The following LCOR variants were observed in gnomAD, a reference collection of about 807,000 sequenced individuals.
LCOR encodes ligand dependent nuclear receptor corepressor.
LCOR carries 14 observed loss-of-function variants against 64.4 expected under a neutral mutation model. The observed-to-expected ratio is 0.22, with a 90% CI of 0.14 to 0.34. The LOEUF (loss-of-function observed/expected upper bound fraction) is 0.34. Among genes scored for constraint, LCOR ranks in the 10% least tolerant of loss-of-function variants. The pLI is 1.00. For synonymous variants in LCOR, 643 were observed against 642.5 expected (o/e 1.00, Z -0.01); for missense variants, 1,686 against 1,765.3 (o/e 0.96, Z 0.80).
intron 2 of LCOR, among the ~76,000 whole-genome samples, chr10:96,859,004 T>C (rs1412011748): frequency 2.6e-5 from 4 of 152,224 alleles, no homozygotes; most frequent in Non-Finnish European, 4.4e-5. Flanking sequence ...TGTGCTTTTA[T>C]CAGGACACTT....
intron 2 of LCOR, among the ~76,000 whole-genome samples, chr10:96,864,892 C>G (rs1845946373): frequency 6.6e-6 from 1 of 152,132 alleles, no homozygotes; most frequent in Non-Finnish European, 1.5e-5. Context: ...CACACAACAA[C>G]ACACCTATTG....
Position 96,981,496 on chromosome 10 carries a change from G to A in LCOR, c.1036G>A (p.Ala346Thr), listed in dbSNP as rs1387082414. Reference protein sequence around the residue: ...CIIPQRNLFKALSEEAWNSGF... With the variant: ...CIIPQRNLFKTLSEEAWNSGF... ...TATTCCTCAAAGAAATTTGTTCAAA[G>A]CTTTATCAGAAGAGGCTTGGAACTC... Residue 346 changes from alanine to threonine, a missense_variant, in exon 8 of 8, where the codon GCT becomes ACT. By Grantham distance (58) the Ala-to-Thr change is moderately conservative (BLOSUM62 0). Coordinates refer to ENST00000421806, the MANE Select transcript of LCOR (RefSeq NM_001346516.2). The A allele has an allele frequency of 6.2e-7, 1 of 1,614,084 alleles. No individual in the cohort carries two copies. Among genetic ancestry groups the A allele is most frequent in the East Asian group, 2.2e-5 (1 of 44,896 alleles).
chr10:96,908,706 C>A (rs1452431583), intron 4 of LCOR, among the ~76,000 whole-genome samples: 2 of 145,414 alleles, frequency 1.4e-5, no homozygotes, highest in Non-Finnish European at 3.0e-5. Flanking sequence ...AAAATGCTTT[C>A]TTCTGCCGTA....
intron 2 of LCOR, among the ~76,000 whole-genome samples, chr10:96,900,097 C>T (rs1846607623): frequency 6.6e-6 from 1 of 152,050 alleles, no homozygotes; most frequent in Non-Finnish European, 1.5e-5. Context: ...TTTCATTCAG[C>T]CATAGGAAAC....
At position 96,955,509 on chromosome 10, in the gene LCOR, C is replaced by T. The variant is rs187367878; in HGVS notation, c.332+3313C>T. The T allele has an allele frequency of 3.7e-6, 6 of 1,614,128 alleles. No individual in the cohort carries two copies. In the Admixed American group the frequency reaches 5.0e-5, roughly 13 times the overall value. On this transcript the variant is annotated intron_variant, in intron 7 of 7. Coordinates refer to ENST00000421806, the MANE Select transcript of LCOR (RefSeq NM_001346516.2). ...TAGTAAAAAATTAAGGGCTATTCTT[C>T]CAAAACAAAGTAGAAAAAGCATGTT... is the stretch of plus-strand genomic sequence containing the variant.
intron 2 of LCOR, among the ~76,000 whole-genome samples, chr10:96,882,100 C>T (rs1045383654): frequency 1.3e-5 from 2 of 152,036 alleles, no homozygotes; most frequent in South Asian, 2.1e-4. Context: ...ATTAATTATT[C>T]GAACTAATAA....
intron 7 of LCOR, among the ~76,000 whole-genome samples, chr10:96,972,613 A>G (rs1157664649): frequency 6.6e-6 from 1 of 152,204 alleles, no homozygotes; most frequent in Non-Finnish European, 1.5e-5. Flanking sequence ...TTTTTATTGT[A>G]ATTTAATAAA....
chr10:96,876,678 A>C (rs1406839700), intron 2 of LCOR, among the ~76,000 whole-genome samples: 5 of 152,198 alleles, frequency 3.3e-5, no homozygotes, highest in Non-Finnish European at 5.9e-5. Context: ...CAAAGAATTA[A>C]AAAGCTCATA....
intron 2 of LCOR, among the ~76,000 whole-genome samples, chr10:96,856,488 CCTTT>C (rs1356916199): frequency 1.3e-5 from 2 of 149,984 alleles, no homozygotes; most frequent in Middle Eastern, 3.2e-3. Flanking sequence ...TGCCTTCCTT[CCTTT>C]ATTTCTCTCT....
chr10:96,932,834 T>G (rs1254766307), intron 4 of LCOR, among the ~76,000 whole-genome samples: 2 of 152,140 alleles, frequency 1.3e-5, no homozygotes, highest in African/African-American at 4.8e-5. Flanking sequence ...ACACTGCAAG[T>G]GGGAATACAA....
chr10:96,960,679 G>T (rs943242680), intron 7 of LCOR: 4 of 152,116 alleles, frequency 2.6e-5, no homozygotes, highest in Non-Finnish European at 5.9e-5. Flanking sequence ...TTAATGCTTT[G>T]GTCAGGCTAG....
intron 7 of LCOR, among the ~76,000 whole-genome samples, chr10:96,970,136 G>A (rs1347023906): frequency 6.0e-5 from 9 of 151,080 alleles, no homozygotes; most frequent in Non-Finnish European, 7.4e-5. Context: ...GGTGGGTCAC[G>A]CCTGTAATCC....
chr10:96,923,861 A>C (rs936784218), intron 4 of LCOR, among the ~76,000 whole-genome samples: 1 of 152,212 alleles, frequency 6.6e-6, no homozygotes, highest in African/African-American at 2.4e-5. Context: ...GGCTGTTTTT[A>C]TAATACCCAC....
chr10:96,881,476 G>A (rs1302222509), intron 2 of LCOR, among the ~76,000 whole-genome samples: 1 of 150,124 alleles, frequency 6.7e-6, no homozygotes, highest in Non-Finnish European at 1.5e-5. Context: ...TTTTTTTTGA[G>A]ATGGAGTTTT....
chr10:96,960,585 T>G (rs967874459), intron 7 of LCOR: 1 of 152,184 alleles, frequency 6.6e-6, no homozygotes, highest in African/African-American at 2.4e-5. Flanking sequence ...TAGGAGATAT[T>G]GAAAGTTATA....
chr10:96,856,482 T>A (rs2134386045), intron 2 of LCOR, among the ~76,000 whole-genome samples: 1 of 144,214 alleles, frequency 6.9e-6, no homozygotes, highest in African/African-American at 2.5e-5. Flanking sequence ...CCTCCCTGCC[T>A]TCCTTCCTTT....
In LCOR at chr10:96,969,780, T is replaced by C. The variant is rs1007594538; in HGVS notation, c.333-11013T>C. 7.4e-5 allele frequency among the ~76,000 whole-genome samples: 11 copies of C among 147,982 alleles called. No homozygotes were observed. The South Asian group carries it at 1.9e-3, about 26-fold the overall frequency. ...TTTTCTTTCTTTTTTTTTTCTTTTT[T>C]TTTTTTTTTCTTTTTTGAGACAAGA... On this transcript the variant is annotated intron_variant, in intron 7 of 7. Coordinates refer to ENST00000421806, the MANE Select transcript of LCOR (RefSeq NM_001346516.2).
At chr10:96,910,219 A>C (rs1167671544) in intron 4 of LCOR, among the ~76,000 whole-genome samples, 1 of 152,180 alleles carries the variant, frequency 6.6e-6, no homozygotes, top group Non-Finnish European at 1.5e-5. Context: ...TTTTAGAAGA[A>C]AATACAGATA....
At chr10:96,962,638 A>C (rs546887629) in intron 7 of LCOR, 35 of 152,300 alleles carry the variant, frequency 2.3e-4, no homozygotes, top group African/African-American at 8.4e-4. Flanking sequence ...TAGGAAAGAT[A>C]ATAGTCATTG....
Sources: allele counts gnomAD v4.1 joint callset (sites outside exome capture counted in the v4.1 genomes callset), GRCh38; gene constraint gnomAD v4.1.1; transcripts MANE v1.5; gene names NCBI Gene and HGNC (gene_info 2026-07-23, HGNC 2026-07-21).